The following FSCN3 variants were observed in gnomAD, a reference collection of about 807,000 sequenced individuals.
FSCN3 encodes fascin-3.
Under a neutral mutation model 53.5 loss-of-function variants are expected in FSCN3, and 43 were observed. The observed-to-expected ratio is 0.80, with a 90% CI of 0.63 to 1.04. FSCN3 has a LOEUF of 1.04. FSCN3 is among the 50% of genes least tolerant of loss of function. The pLI is 0.00. For synonymous variants in FSCN3, 235 were observed against 246.6 expected (o/e 0.95, Z 0.44); for missense variants, 594 against 646.5 (o/e 0.92, Z 0.88).
In FSCN3 at chr7:127,599,419, T is replaced by A. The variant is rs377654536; in HGVS notation, c.1159T>A (p.Ser387Thr). Residue 387 changes from serine to threonine, a missense_variant, in exon 5 of 7, where the codon TCC becomes ACC. By Grantham distance (58) the Ser-to-Thr change is moderately conservative (BLOSUM62 1). Transcript: ENST00000265825. ...ATTTGGGATTTTATTTGCCAATCGC[T>A]CCTTCCTTGTATTGCGAGGTCGTTA... ...EEFGILFANR[S>T]FLVLRGRYGY... 23 of 1,613,990 alleles carry A rather than the reference T, an allele frequency of 1.4e-5. No homozygotes were observed. The highest frequency in any genetic ancestry group is 1.2e-4 in the African/African-American group (9 of 75,038).
At chr7:127,594,681 G>A (rs1794357402) in intron 1 of FSCN3, 1 of 471,062 alleles carries the variant, frequency 2.1e-6, no homozygotes, top group African/African-American at 2.0e-5. Flanking sequence ...AACTCCAGAA[G>A]CCCTAGCAGT....
chr7:127,594,705 C>T (rs1030821313), intron 1 of FSCN3: 1 of 471,178 alleles, frequency 2.1e-6, no homozygotes, highest in Non-Finnish European at 4.4e-6. Context: ...GGTCTTCATT[C>T]TAGAGAGGAA....
rs746572057 is a variant in FSCN3 at position 127,599,426 on chromosome 7, T to G, written c.1166T>G (p.Leu389Arg). The G allele has an allele frequency of 7.4e-6, 12 of 1,614,096 alleles. 1 individual carries two copies. In the South Asian group the frequency reaches 8.8e-5, roughly 12 times the overall value. Reference sequence around the variant, plus strand: ...ATTTTATTTGCCAATCGCTCCTTCCTTGTATTGCGAGGTCGTTATGGCTAT... The same window carrying G: ...ATTTTATTTGCCAATCGCTCCTTCCGTGTATTGCGAGGTCGTTATGGCTAT... ...FGILFANRSF[L>R]VLRGRYGYVG... Residue 389 changes from leucine to arginine, a missense_variant, in exon 5 of 7, where the codon CTT becomes CGT. Transcript: ENST00000265825.
chr7:127,599,281 T>C (rs1794434595), intron 4 of FSCN3, 100 bp from the exon 5 acceptor site: 6 of 852,136 alleles, frequency 7.0e-6, no homozygotes, highest in South Asian at 6.2e-5. Context: ...TGTTAAAATA[T>C]TGACCACACC....
Position 127,596,994 on chromosome 7 carries a change from C to G in FSCN3, c.960+548C>G, listed in dbSNP as rs576515825. ...TACAGTATGTATGGTACATACATTT[C>G]TTGTGCTTGGCACAATGTTTTTAAG... On this transcript the variant is annotated intron_variant, in intron 3 of 6. Transcript: ENST00000265825. Among the ~76,000 whole-genome samples the G allele has an allele frequency of 6.6e-5, 10 of 152,348 alleles. No individual in the cohort carries two copies. In the East Asian group the frequency reaches 1.9e-3, roughly 29 times the overall value.
In FSCN3 at chr7:127,599,506, C is replaced by G; in HGVS notation, c.1246C>G (p.Arg416Gly). 1 of 1,614,164 alleles carries G rather than the reference C, an allele frequency of 6.2e-7. No homozygotes were observed. Among genetic ancestry groups the G allele is most frequent in the Non-Finnish European group, 8.5e-7 (1 of 1,180,020 alleles). Residue 416 changes from arginine to glycine, a missense_variant, in exon 5 of 7, where the codon CGC becomes GGC. Transcript: ENST00000265825. Reference sequence around the variant, plus strand: ...ACAGTGCAACCAGGATCAGCCCGACCGCATTCATCTACTACCCTGCCGACC... The same window carrying G: ...ACAGTGCAACCAGGATCAGCCCGACGGCATTCATCTACTACCCTGCCGACC... ...LIQCNQDQPDRIHLLPCRPGI... is the reference protein window; with the variant it reads ...LIQCNQDQPDGIHLLPCRPGI...
rs1794378622 is a variant in FSCN3, at chr7:127,595,785, A to G, written c.623A>G (p.Gln208Arg). 1 of 1,613,798 alleles carries G rather than the reference A, an allele frequency of 6.2e-7. No homozygotes were observed. The highest frequency in any genetic ancestry group is 8.5e-7 in the Non-Finnish European group (1 of 1,179,870). The change falls in exon 2 of 7, where the codon CAA becomes CGA. Residue 208 changes from glutamine (Q) to arginine (R), a missense_variant. Physicochemically the swap from Gln to Arg is conservative, Grantham distance 43. Coordinates refer to ENST00000265825, the MANE Select transcript of FSCN3 (RefSeq NM_020369.3). ...TCCCATGTAGACCGGCTGTTCTCCC[A>G]ACCCTCATCACAGACAGCTTTTCAC... Reference protein sequence around the residue: ...FLSHVDRLFSQPSSQTAFHMQ... With the variant: ...FLSHVDRLFSRPSSQTAFHMQ...
chr7:127,599,498 A>G lies in FSCN3; in HGVS notation c.1238A>G (p.Gln413Arg). The G allele has an allele frequency of 6.2e-7, 1 of 1,614,180 alleles. No individual in the cohort carries two copies. Among genetic ancestry groups the G allele is most frequent in the Admixed American group, 1.7e-5 (1 of 60,026 alleles). ...GACCTCATACAGTGCAACCAGGATC[A>G]GCCCGACCGCATTCATCTACTACCC... ...GHDLIQCNQD[Q>R]PDRIHLLPCR... is the part of the protein sequence containing the mutation. The change falls in exon 5 of 7, where the codon CAG becomes CGG. Residue 413 changes from glutamine (Q) to arginine (R), a missense_variant. Physicochemically the swap from Gln to Arg is conservative, Grantham distance 43. Transcript: ENST00000265825.
rs1794381895 is a variant in FSCN3, at chr7:127,595,954, C to T, written c.792C>T (p.Thr264=). The change falls in exon 2 of 7, where the codon ACC becomes ACT. Residue 264 remains threonine (T), a synonymous_variant. Coordinates refer to ENST00000265825, the MANE Select transcript of FSCN3 (RefSeq NM_020369.3). ...EEWFILQHCP[T]WVSLRSKTGR... Reference sequence around the variant, plus strand: ...GGTTCATCCTACAGCACTGCCCAACCTGGGTCAGCCTCAGGTCAAAGACTG... The same window carrying T: ...GGTTCATCCTACAGCACTGCCCAACTTGGGTCAGCCTCAGGTCAAAGACTG... 1.3e-6 allele frequency: 2 copies of T among 1,584,922 alleles called. No individual in the cohort carries two copies. Among genetic ancestry groups the T allele is most frequent in the Non-Finnish European group, 1.7e-6 (2 of 1,164,298 alleles).
At chr7:127,594,633 G>A (rs1036641461) in intron 1 of FSCN3, 35 of 471,064 alleles carry the variant, frequency 7.4e-5, no homozygotes, top group African/African-American at 5.4e-4. Context: ...TTATTGCAAA[G>A]CCTATGTTTC....
rs1386346803 is a variant in FSCN3 at position 127,601,691 on chromosome 7, A to T, written c.*69A>T. 6.6e-6 allele frequency: 1 copy of T among 152,192 alleles called. No homozygotes were observed. The highest frequency in any genetic ancestry group is 1.5e-5 in the Non-Finnish European group (1 of 68,036). 9.4% of individuals were successfully genotyped at this position (152,192 alleles called of 1,614,324 possible). A position where few individuals can be genotyped will look rare whatever the true frequency, so the allele number is the denominator to read the frequency against. On this transcript the variant is annotated 3_prime_UTR_variant, in exon 7 of 7. Coordinates refer to ENST00000265825, the MANE Select transcript of FSCN3 (RefSeq NM_020369.3). ...AACTACTACACTAAATGGACCAGGA[A>T]CCTCAGAGTCAAGATCCAAGAGAAG...
In FSCN3 at chr7:127,599,397, T is replaced by A. The variant is rs147838592; in HGVS notation, c.1137T>A (p.Phe379Leu). 3.1e-6 allele frequency: 5 copies of A among 1,613,566 alleles called. No homozygotes were observed. Among genetic ancestry groups the A allele is most frequent in the Non-Finnish European group, 4.2e-6 (5 of 1,179,688 alleles). ...NVILPGPNEEFGILFANRSFL... is the reference protein window; with the variant it reads ...NVILPGPNEELGILFANRSFL... ...TTCCTTCAGGCCCAAATGAGGAATTTGGGATTTTATTTGCCAATCGCTCCT... is the reference window on the plus strand; with the variant it reads ...TTCCTTCAGGCCCAAATGAGGAATTAGGGATTTTATTTGCCAATCGCTCCT... Residue 379 changes from phenylalanine (F) to leucine (L), a missense_variant, in exon 5 of 7, where the codon TTT becomes TTA. Transcript: ENST00000265825.
At chr7:127,598,939 G>A (rs929391356) in intron 4 of FSCN3, among the ~76,000 whole-genome samples, 2 of 150,072 alleles carry the variant, frequency 1.3e-5, no homozygotes, top group African/African-American at 4.9e-5. Context: ...CAGCCTGGGC[G>A]ACAGAGCGAG....
rs1794452648 is a variant in FSCN3, at chr7:127,600,201, G to T, written c.1299G>T (p.Gly433=). Residue 433 remains glycine, a synonymous_variant, in exon 6 of 7, where the codon GGG becomes GGT. Coordinates refer to ENST00000265825, the MANE Select transcript of FSCN3 (RefSeq NM_020369.3). The part of the protein sequence containing the change: ...RPGIYHFQAQ[G]GSFWSITSFG... ...GAGCTCTTCCTTCTCCAGCACAGGG[G>T]GGATCCTTCTGGTCAATAACATCCT... 2 of 1,590,868 alleles carry T rather than the reference G, an allele frequency of 1.3e-6. No homozygotes were observed. The highest frequency in any genetic ancestry group is 2.7e-5 in the African/African-American group (2 of 74,494).
At chr7:127,600,007 G>A (rs539220791) in intron 5 of FSCN3, among the ~76,000 whole-genome samples, 187 bp from the exon 6 acceptor site, 3 of 152,226 alleles carry the variant, frequency 2.0e-5, no homozygotes, top group African/African-American at 7.2e-5. Flanking sequence ...CCCCAGGGTG[G>A]GTTGGCAGAA....
At chr7:127,596,825 C>G (rs1227305304) in intron 3 of FSCN3, among the ~76,000 whole-genome samples, 1 of 152,170 alleles carries the variant, frequency 6.6e-6, no homozygotes, top group Non-Finnish European at 1.5e-5. Context: ...GAAAATATTT[C>G]CAACACCACA....
intron 3 of FSCN3, among the ~76,000 whole-genome samples, chr7:127,596,791 A>G (rs1794396825): frequency 6.6e-6 from 1 of 152,248 alleles, no homozygotes; most frequent in Admixed American, 6.5e-5. Context: ...CCATGCAACC[A>G]TGCCGTAAGC....
intron 1 of FSCN3, 83 bp downstream of exon 1, chr7:127,594,080 G>A (rs906917996): frequency 1.1e-4 from 164 of 1,460,786 alleles, no homozygotes; most frequent in African/African-American, 1.6e-4. Flanking sequence ...GTGTGTGTGC[G>A]TGAGTGTATG....
chr7:127,601,755 C>T lies in FSCN3; in HGVS notation c.*133C>T, dbSNP rs1226207583. 6.6e-6 allele frequency: 1 copy of T among 152,216 alleles called. No individual in the cohort carries two copies. Among genetic ancestry groups the T allele is most frequent in the Non-Finnish European group, 1.5e-5 (1 of 68,056 alleles). 9.4% of individuals were successfully genotyped at this position (152,216 alleles called of 1,614,324 possible). A position where few individuals can be genotyped will look rare whatever the true frequency, so the allele number is the denominator to read the frequency against. On this transcript the variant is annotated 3_prime_UTR_variant, in exon 7 of 7. Coordinates refer to ENST00000265825, the MANE Select transcript of FSCN3 (RefSeq NM_020369.3). ...ACTTTTCCTACCCAGTTTAGCAAAACACCTGTTTTATGCAACAATACATCA... is the reference window on the plus strand; with the variant it reads ...ACTTTTCCTACCCAGTTTAGCAAAATACCTGTTTTATGCAACAATACATCA...
Sources: gnomAD v4.1 joint callset for allele counts (sites outside exome capture counted in the v4.1 genomes callset) on GRCh38, gnomAD v4.1.1 for gene constraint, MANE v1.5 for transcripts, NCBI Gene and HGNC (gene_info 2026-07-23, HGNC 2026-07-21) for gene names.